The following PLEKHA8 variants were observed in gnomAD, a reference collection of about 807,000 sequenced individuals.
PLEKHA8 encodes pleckstrin homology domain-containing family A member 8.
In PLEKHA8, 36 loss-of-function variants were observed where a neutral mutation model predicts 68.2. The ratio of observed to expected loss-of-function variants is 0.53; its 90% CI spans 0.40 to 0.70. PLEKHA8 has a LOEUF of 0.70. Among genes scored for constraint, PLEKHA8 ranks in the 30% least tolerant of loss-of-function variants. The pLI, the probability that PLEKHA8 is intolerant of heterozygous loss-of-function variation, is 0.00. For synonymous variants in PLEKHA8, 211 were observed against 216.1 expected, an observed-to-expected ratio of 0.98 and a Z score of 0.20; for missense variants, 505 against 615.4, an observed-to-expected ratio of 0.82 and a Z score of 1.90.
At chr7:30,085,266 T>C (rs1795139032), downstream of PLEKHA8, among the ~76,000 whole-genome samples, 1 of 152,112 alleles carries the variant, frequency 6.6e-6, no homozygotes, top group African/African-American at 2.4e-5. Flanking sequence ...ATGAAACTGT[T>C]TAAAACCTAA....
At chr7:30,094,252 A>C (rs2128007400), downstream of PLEKHA8, among the ~76,000 whole-genome samples, 1 of 150,300 alleles carries the variant, frequency 6.7e-6, no homozygotes. Flanking sequence ...AATATTAGGG[A>C]TTGGTAGGAG....
intron 9 of PLEKHA8, 21 bp from the exon 10 acceptor site, chr7:30,060,863 G>T: frequency 6.2e-7 from 1 of 1,602,386 alleles, no homozygotes. Context: ...TTTCAGAAAT[G>T]TTTTTAATCT....
Position 30,050,423 on chromosome 7 carries a change from T to G in PLEKHA8, c.598-11T>G, listed in dbSNP as rs1792314916. 1 of 1,574,020 alleles carries G rather than the reference T, an allele frequency of 6.4e-7. No homozygotes were observed. The highest frequency in any genetic ancestry group is 8.6e-7 in the Non-Finnish European group (1 of 1,161,854). ...AACATGTGAACTTTCCTTTCTTTGC[T>G]TCTTTTAAAGATGAAACATCCTATT... On this transcript the variant is annotated splice_polypyrimidine_tract_variant and intron_variant, in intron 5 of 13. Transcript: ENST00000449726.
At chr7:30,102,067 G>A (rs1468435003) in intron 13 of PLEKHA8, among the ~76,000 whole-genome samples, 4 of 152,090 alleles carry the variant, frequency 2.6e-5, no homozygotes, top group African/African-American at 9.7e-5. Context: ...AATCTACAAA[G>A]AATTCTTATA....
At chr7:30,104,003 A>G (rs1442708136) in intron 13 of PLEKHA8, among the ~76,000 whole-genome samples, 1 of 152,242 alleles carries the variant, frequency 6.6e-6, no homozygotes, top group African/African-American at 2.4e-5. Context: ...CAACTCAATA[A>G]TAAAAAGACC....
At chr7:30,098,022 G>T (rs890902358) in intron 13 of PLEKHA8, among the ~76,000 whole-genome samples, 4 of 152,182 alleles carry the variant, frequency 2.6e-5, no homozygotes, top group African/African-American at 9.7e-5. Flanking sequence ...TGTCCTTTCT[G>T]TTTGTTAGTT....
intron 12 of PLEKHA8, 130 bp from the exon 13 acceptor site, chr7:30,073,941 A>C (rs1794433088): frequency 1.6e-6 from 1 of 623,616 alleles, no homozygotes; most frequent in African/African-American, 1.9e-5. Flanking sequence ...AACTATTATC[A>C]CACCACTGTA....
chr7:30,103,028 C>T (rs554572436), intron 13 of PLEKHA8, among the ~76,000 whole-genome samples: 14 of 152,260 alleles, frequency 9.2e-5, no homozygotes, highest in South Asian at 4.1e-4. Flanking sequence ...TTGATTGGCC[C>T]TCTGCACTTC....
chr7:30,074,118 C>A lies in PLEKHA8; in HGVS notation c.1348C>A (p.Arg450=), dbSNP rs764825246. Reference sequence around the variant, plus strand: ...GCGGCAACACCATGGCTGGGTAGTTCGAGGGGTTTTTGCGGTAAGTGATCC... The same window carrying A: ...GCGGCAACACCATGGCTGGGTAGTTAGAGGGGTTTTTGCGGTAAGTGATCC... ...TLRQHHGWVV[R]GVFALALRAA... is the part of the protein sequence containing the mutation. Residue 450 remains arginine, a synonymous_variant, in exon 13 of 14, where the codon CGA becomes AGA. Coordinates refer to ENST00000449726, the MANE Select transcript of PLEKHA8 (RefSeq NM_001197026.2). 1.2e-6 allele frequency: 2 copies of A among 1,612,662 alleles called. No homozygotes were observed. The highest frequency in any genetic ancestry group is 1.7e-6 in the Non-Finnish European group (2 of 1,179,242).
At chr7:30,060,130 C>T (rs140240819) in intron 9 of PLEKHA8, among the ~76,000 whole-genome samples, 213 of 139,354 alleles carry the variant, frequency 1.5e-3, no homozygotes, top group African/African-American at 5.6e-3. Flanking sequence ...AGCGAGACTC[C>T]GTCCCCCCAG....
intron 4 of PLEKHA8, among the ~76,000 whole-genome samples, chr7:30,048,709 A>C (rs1033664688): frequency 6.6e-5 from 10 of 152,226 alleles, no homozygotes; most frequent in South Asian, 2.1e-4. Flanking sequence ...TAGTAGAAGA[A>C]CACTATGCTA....
chr7:30,115,137 A>C, intron 13 of PLEKHA8, among the ~76,000 whole-genome samples: 1 of 152,212 alleles, frequency 6.6e-6, no homozygotes, highest in East Asian at 1.9e-4. Context: ...CTCTGTTGCC[A>C]GTTCATTCAT....
chr7:30,074,266 G>GTGTGTGTGTA, intron 13 of PLEKHA8, 134 bp downstream of exon 13: 27 of 651,636 alleles, frequency 4.1e-5, no homozygotes, highest in South Asian at 7.6e-5. Flanking sequence ...GTGTGTGTGT[G>GTGTGTGTGTA]TGTGTGTATG....
rs1792961956 is a variant in PLEKHA8, at chr7:30,056,671, G to A, written c.1039+1329G>A. Among the ~76,000 whole-genome samples the A allele has an allele frequency of 2.8e-5, 4 of 140,976 alleles. No individual in the cohort carries two copies. In the Admixed American group the frequency reaches 3.0e-4, roughly 10 times the overall value. The allele number at this position is 140,976 out of a possible 152,430, so 92.5% of individuals were successfully genotyped here. ...TTGAACCTGGGAGACGGAGGTTGCAGTGAGCCGAGATTGCACCACTGCACT... is the reference window on the plus strand; with the variant it reads ...TTGAACCTGGGAGACGGAGGTTGCAATGAGCCGAGATTGCACCACTGCACT... On this transcript the variant is annotated intron_variant, in intron 9 of 13. Transcript: ENST00000449726.
At chr7:30,124,958 AT>A (rs1235680433) in intron 13 of PLEKHA8, among the ~76,000 whole-genome samples, 6 of 151,366 alleles carry the variant, frequency 4.0e-5, no homozygotes, top group Admixed American at 6.6e-5. Context: ...AAAAATCAGA[AT>A]TTTTTTTTGC....
At position 30,054,719 on chromosome 7, in the gene PLEKHA8, A is replaced by G. The variant is rs763867724; in HGVS notation, c.807A>G (p.Glu269=). 1.6e-5 allele frequency: 25 copies of G among 1,585,428 alleles called. No homozygotes were observed. The highest frequency in any genetic ancestry group is 1.8e-5 in the Non-Finnish European group (21 of 1,162,198). The change falls in exon 8 of 14, where the codon GAA becomes GAG. Residue 269 remains glutamate, a synonymous_variant. Coordinates refer to ENST00000449726, the MANE Select transcript of PLEKHA8 (RefSeq NM_001197026.2). ...NTDDNITVQG[E]IRKEDGMENL... ...TTTTCTACTTTGCAGTCCAAGGTGA[A>G]ATAAGGAAGGAAGATGGAATGGAAA... is the stretch of plus-strand genomic sequence containing the variant.
At chr7:30,075,577 G>C (rs948069544) in intron 13 of PLEKHA8, among the ~76,000 whole-genome samples, 3 of 152,164 alleles carry the variant, frequency 2.0e-5, no homozygotes, top group African/African-American at 7.2e-5. Flanking sequence ...AGAGCTCTCT[G>C]CAGTGAAGAC....
At chr7:30,042,302 C>G (rs1484846287) in intron 1 of PLEKHA8, among the ~76,000 whole-genome samples, 1 of 152,188 alleles carries the variant, frequency 6.6e-6, no homozygotes, top group African/African-American at 2.4e-5. Context: ...CACACATACC[C>G]ACTCACACAC....
chr7:30,073,188 A>G (rs1794374703), intron 12 of PLEKHA8, among the ~76,000 whole-genome samples: 1 of 152,234 alleles, frequency 6.6e-6, no homozygotes. Context: ...CTCACCAATT[A>G]CTTTAGCTTA....
Sources: allele counts gnomAD v4.1 joint callset (sites outside exome capture counted in the v4.1 genomes callset), GRCh38; gene constraint gnomAD v4.1.1; transcripts MANE v1.5; gene names NCBI Gene and HGNC (gene_info 2026-07-23, HGNC 2026-07-21).